Variants in TSG101 observed in about 807,000 individuals in gnomAD.
TSG101 encodes tumor susceptibility 101.
A neutral mutation model predicts 48.5 loss-of-function variants in TSG101; 19 were observed. The ratio of observed to expected loss-of-function variants is 0.39; its 90% CI spans 0.27 to 0.58. TSG101 has a LOEUF of 0.58. Among genes scored for constraint, TSG101 ranks in the 20% least tolerant of loss-of-function variants. The pLI is 0.55. For missense variants in TSG101, 365 were observed against 484.4 expected (o/e 0.75, Z 2.31); for synonymous variants, 174 against 169.4 (o/e 1.03, Z -0.21).
Position 18,484,935 on chromosome 11 carries a change from C to CTTTTTTT in TSG101, c.641-870_641-864dup, listed in dbSNP as rs529154247. Among the ~76,000 whole-genome samples, 30 of 108,002 alleles carry CTTTTTTT rather than the reference C, an allele frequency of 2.8e-4. 1 individual carries two copies. Among genetic ancestry groups the CTTTTTTT allele is most frequent in the Middle Eastern group, 7.7e-3 (1 of 130 alleles). 70.9% of individuals were successfully genotyped at this position (108,002 alleles called of 152,430 possible). On this transcript the variant is annotated intron_variant, in intron 7 of 9. Transcript: ENST00000251968. ...AAGTATATTTAACCTTAATTGCCGC[C>CTTTTTTT]TTTTTTTTTTTTTTTTTTTTTGAGA... is the stretch of plus-strand genomic sequence containing the variant.
rs188081269 is a variant in TSG101, at chr11:18,497,400, A to G, written c.640+5086T>C. On this transcript the variant is annotated intron_variant, in intron 7 of 9. Coordinates refer to ENST00000251968, the MANE Select transcript of TSG101 (RefSeq NM_006292.4). ...TCATAAAATAATTTGCCTCTAGCCT[A>G]TATGCCTAAGACAGTACTCTTGAAA... Among the ~76,000 whole-genome samples the G allele has an allele frequency of 2.0e-5, 3 of 152,340 alleles. No homozygotes were observed. In the East Asian group the frequency reaches 5.8e-4, roughly 29 times the overall value.
intron 1 of TSG101, among the ~76,000 whole-genome samples, chr11:18,525,348 C>T (rs866295784): frequency 3.4e-4 from 51 of 151,868 alleles, no homozygotes; most frequent in African/African-American, 1.2e-3. Context: ...AGTTTAAGAC[C>T]AGCCTGGCCA....
At chr11:18,495,096 A>G (rs2133911294) in intron 7 of TSG101, among the ~76,000 whole-genome samples, 1 of 152,342 alleles carries the variant, frequency 6.6e-6, no homozygotes, top group South Asian at 2.1e-4. Context: ...ATCTCTGTTA[A>G]TAGCACCCTT....
chr11:18,496,892 A>G (rs1184985971), intron 7 of TSG101, among the ~76,000 whole-genome samples: 1 of 152,092 alleles, frequency 6.6e-6, no homozygotes, highest in Admixed American at 6.6e-5. Context: ...GCAGTTGGAG[A>G]TCAGCCTGGC....
intron 6 of TSG101, among the ~76,000 whole-genome samples, chr11:18,503,948 A>G (rs1226609078): frequency 6.6e-6 from 1 of 152,140 alleles, no homozygotes; most frequent in Non-Finnish European, 1.5e-5. Flanking sequence ...TCACACCTGT[A>G]ATCCTAGCAC....
chr11:18,520,925 G>C (rs1850261751), intron 1 of TSG101, among the ~76,000 whole-genome samples: 1 of 152,046 alleles, frequency 6.6e-6, no homozygotes, highest in African/African-American at 2.4e-5. Context: ...CAGCTACTCA[G>C]GAGGCTGAGG....
At chr11:18,510,893 G>C (rs1357028524) in intron 4 of TSG101, 1 of 152,004 alleles carries the variant, frequency 6.6e-6, no homozygotes, top group Non-Finnish European at 1.5e-5. Context: ...CTCCAGCCTG[G>C]GTTAGAGTGA....
In TSG101 at chr11:18,480,909, A is replaced by G. The variant is rs1005717133; in HGVS notation, c.1084-274T>C. The stretch of plus-strand genomic sequence containing the variant: ...ACTCAAGCAAGAGATTGTACAGAAA[A>G]AGAGTCCTCTCTTGGGTCTCTGGTT... On this transcript the variant is annotated intron_variant, in intron 9 of 9. Transcript: ENST00000251968. Among the ~76,000 whole-genome samples, 9 of 152,202 alleles carry G rather than the reference A, an allele frequency of 5.9e-5. No individual in the cohort carries two copies. In the South Asian group the frequency reaches 6.2e-4, roughly 10 times the overall value.
chr11:18,500,810 CT>C (rs398045025), intron 7 of TSG101, among the ~76,000 whole-genome samples: 49 of 147,658 alleles, frequency 3.3e-4, no homozygotes, highest in African/African-American at 3.2e-4. Flanking sequence ...TGTGCAGAAG[CT>C]TTTTTTTTTT....
chr11:18,501,691 A>G (rs998198863), intron 7 of TSG101, among the ~76,000 whole-genome samples: 2 of 152,198 alleles, frequency 1.3e-5, no homozygotes, highest in Admixed American at 1.3e-4. Flanking sequence ...GAATCTACAG[A>G]CTGCTTTGGG....
intron 7 of TSG101, among the ~76,000 whole-genome samples, chr11:18,493,670 T>TTA: frequency 6.6e-6 from 1 of 152,304 alleles, no homozygotes; most frequent in Middle Eastern, 3.4e-3. Flanking sequence ...ACTGACCATC[T>TTA]ATTTAGAAAC....
chr11:18,506,740 A>G lies in TSG101; in HGVS notation c.548+117T>C, dbSNP rs570157863. ...AAATTCCAGGAATAAACCAAGTTTT[A>G]TCTTCCACTAAATTGCAATTAAATT... On this transcript the variant is annotated intron_variant, in intron 6 of 9. Transcript: ENST00000251968. 1.1e-4 allele frequency: 81 copies of G among 737,374 alleles called. No homozygotes were observed. The African/African-American group carries it at 1.5e-3, about 13-fold the overall frequency. The allele number at this position is 737,374 out of a possible 1,614,324, so 45.7% of individuals were successfully genotyped here.
chr11:18,482,897 A>G (rs1013577347), intron 8 of TSG101, among the ~76,000 whole-genome samples: 16 of 152,298 alleles, frequency 1.1e-4, no homozygotes, highest in African/African-American at 3.4e-4. Context: ...TCAAGCACTC[A>G]AACAGTCCTC....
chr11:18,521,588 C>T (rs1850276712), intron 1 of TSG101, among the ~76,000 whole-genome samples: 7 of 149,906 alleles, frequency 4.7e-5, no homozygotes, highest in Admixed American at 4.7e-4. Context: ...AAGCTGTTCT[C>T]AAACTCCTGG....
At chr11:18,500,435 C>T (rs1484558073) in intron 7 of TSG101, among the ~76,000 whole-genome samples, 1 of 152,090 alleles carries the variant, frequency 6.6e-6, no homozygotes, top group African/African-American at 2.4e-5. Context: ...ATTTACATTC[C>T]CACCAACATT....
chr11:18,510,003 T>C (rs1484387001), intron 4 of TSG101, among the ~76,000 whole-genome samples: 2 of 152,172 alleles, frequency 1.3e-5, no homozygotes, highest in Non-Finnish European at 2.9e-5. Flanking sequence ...TGGTACAAAT[T>C]TAGGGATGAA....
At chr11:18,503,293 CTATTTGGAGACTCCTAAAACTCGAA>C (rs1316299918) in intron 6 of TSG101, among the ~76,000 whole-genome samples, 1 of 151,996 alleles carries the variant, frequency 6.6e-6, no homozygotes, top group African/African-American at 2.4e-5. Flanking sequence ...AGACACTCAA[CTATTTGGAGACTCCTAAAACTCGAA>C]TATTTGAGAA....
At chr11:18,488,661 A>C (rs1304013437) in intron 7 of TSG101, among the ~76,000 whole-genome samples, 1 of 152,236 alleles carries the variant, frequency 6.6e-6, no homozygotes, top group Non-Finnish European at 1.5e-5. Context: ...CTTTAAAGCC[A>C]GGCTTGCTCA....
At chr11:18,500,770 T>C (rs1849874858) in intron 7 of TSG101, among the ~76,000 whole-genome samples, 1 of 152,098 alleles carries the variant, frequency 6.6e-6, no homozygotes, top group African/African-American at 2.4e-5. Flanking sequence ...CAACAGGTCG[T>C]CTCTTTACTT....
Sources: gnomAD v4.1 joint callset for allele counts (sites outside exome capture counted in the v4.1 genomes callset) on GRCh38, gnomAD v4.1.1 for gene constraint, MANE v1.5 for transcripts, NCBI Gene and HGNC (gene_info 2026-07-23, HGNC 2026-07-21) for gene names.